SLC10A7: variants seen among roughly 807,000 people sequenced by gnomAD.
SLC10A7 encodes sodium/bile acid cotransporter 7.
SLC10A7 carries 29 observed loss-of-function variants against 43.2 expected under a neutral mutation model. That is an observed-to-expected ratio of 0.67 (90% CI 0.50 to 0.92). The LOEUF (loss-of-function observed/expected upper bound fraction) is 0.92, where lower values mean the gene tolerates loss of function less well. Among genes scored for constraint, SLC10A7 ranks in the 40% least tolerant of loss-of-function variants. SLC10A7 has a pLI of 0.00. For synonymous variants in SLC10A7, 152 were observed against 144.8 expected, an observed-to-expected ratio of 1.05 and a Z score of -0.35; for missense variants, 295 against 403.2, an observed-to-expected ratio of 0.73 and a Z score of 2.30.
intron 4 of SLC10A7, among the ~76,000 whole-genome samples, chr4:146,463,638 G>A (rs1732736441): frequency 6.6e-6 from 1 of 151,890 alleles, no homozygotes; most frequent in African/African-American, 2.4e-5. Flanking sequence ...CTACTTGGGA[G>A]GCTGAGGCAG....
chr4:146,416,266 C>T (rs1300339049), intron 5 of SLC10A7, among the ~76,000 whole-genome samples: 1 of 152,056 alleles, frequency 6.6e-6, no homozygotes, highest in Non-Finnish European at 1.5e-5. Context: ...AGAGCCATGC[C>T]TAGTATGCTT....
chr4:146,409,588 T>C (rs571486035), intron 5 of SLC10A7, among the ~76,000 whole-genome samples: 2 of 152,280 alleles, frequency 1.3e-5, no homozygotes, highest in East Asian at 1.9e-4. Context: ...CAGAACTGTA[T>C]ACTAAAAAAG....
chr4:146,509,973 G>A lies in SLC10A7; in HGVS notation c.260C>T (p.Thr87Ile), dbSNP rs755106015. ...QIFTLAFFPA[T>I]IWLFLQLLSI... ...TAAAAGCTGAAGAAAAAGCCATATT[G>A]TTGCTGGGAAGAATGCAAGAGTAAA... The change falls in exon 3 of 12, where the codon ACA becomes ATA. Residue 87 changes from threonine (T) to isoleucine (I), a missense_variant. By Grantham distance (89) the Thr-to-Ile change is moderately conservative. Transcript: ENST00000335472. 1.2e-6 allele frequency: 2 copies of A among 1,613,758 alleles called. No homozygotes were observed. Among genetic ancestry groups the A allele is most frequent in the Non-Finnish European group, 8.5e-7 (1 of 1,179,826 alleles).
intron 4 of SLC10A7, among the ~76,000 whole-genome samples, chr4:146,499,898 T>C (rs1736241694): frequency 6.6e-6 from 1 of 152,204 alleles, no homozygotes; most frequent in Admixed American, 6.5e-5. Context: ...GCTACGTCAA[T>C]GTCAAGGATA....
chr4:146,442,829 G>T lies in SLC10A7; in HGVS notation c.397-8C>A. On this transcript the variant is annotated splice_region_variant and splice_polypyrimidine_tract_variant and intron_variant, in intron 4 of 11. Coordinates refer to ENST00000335472, the MANE Select transcript of SLC10A7 (RefSeq NM_001029998.6). ...ATTAAATATTGCAGCTGCCTATGAA[G>T]AAAATAAATAGGGGAAAAAAACTCA... is the stretch of plus-strand genomic sequence containing the variant. The T allele has an allele frequency of 6.4e-7, 1 of 1,558,656 alleles. No homozygotes were observed. The highest frequency in any genetic ancestry group is 8.7e-7 in the Non-Finnish European group (1 of 1,151,516).
chr4:146,438,833 G>T (rs573160745), intron 5 of SLC10A7, among the ~76,000 whole-genome samples: 1 of 152,084 alleles, frequency 6.6e-6, no homozygotes, highest in Admixed American at 6.5e-5. Context: ...ATTTCAATTA[G>T]AATTTTCCCA....
At chr4:146,264,344 T>C (rs145847783) in intron 10 of SLC10A7, among the ~76,000 whole-genome samples, 1 of 152,362 alleles carries the variant, frequency 6.6e-6, no homozygotes, top group African/African-American at 2.4e-5. Flanking sequence ...TTAGATTAAA[T>C]ATGGACTTTT....
chr4:146,405,150 G>A (rs1167264311), intron 5 of SLC10A7, among the ~76,000 whole-genome samples: 1 of 152,038 alleles, frequency 6.6e-6, no homozygotes, highest in African/African-American at 2.4e-5. Context: ...TCAGTTTTTT[G>A]CCTCTGTTTA....
At chr4:146,466,765 C>A (rs1242547530) in intron 4 of SLC10A7, among the ~76,000 whole-genome samples, 2 of 152,058 alleles carry the variant, frequency 1.3e-5, no homozygotes, top group Admixed American at 6.6e-5. Context: ...AGATAAGGCT[C>A]AGAGTACTTA....
chr4:146,331,575 G>C (rs1158570748), intron 5 of SLC10A7, among the ~76,000 whole-genome samples: 1 of 152,114 alleles, frequency 6.6e-6, no homozygotes, highest in South Asian at 2.1e-4. Flanking sequence ...TTACCATCCT[G>C]ATGGTTTCCT....
chr4:146,440,823 C>T (rs1299962613), intron 5 of SLC10A7, among the ~76,000 whole-genome samples: 1 of 152,152 alleles, frequency 6.6e-6, no homozygotes. Context: ...TAAAACAACG[C>T]TTCTGCCTGT....
At chr4:146,388,469 C>G (rs1738165863) in intron 5 of SLC10A7, among the ~76,000 whole-genome samples, 1 of 152,014 alleles carries the variant, frequency 6.6e-6, no homozygotes, top group South Asian at 2.1e-4. Context: ...TATAAAAATC[C>G]TAGAAGAGGC....
chr4:146,333,550 G>A (rs1049209870), intron 5 of SLC10A7, among the ~76,000 whole-genome samples: 2 of 152,132 alleles, frequency 1.3e-5, no homozygotes, highest in Admixed American at 1.3e-4. Context: ...AACAGAAGAA[G>A]GGAAGGGAGA....
intron 5 of SLC10A7, among the ~76,000 whole-genome samples, chr4:146,404,678 C>G (rs2149821715): frequency 6.6e-6 from 1 of 152,064 alleles, no homozygotes; most frequent in Non-Finnish European, 1.5e-5. Flanking sequence ...CTATGTTACT[C>G]AGGCTGGTCT....
chr4:146,472,816 T>C (rs1733690695), intron 4 of SLC10A7, among the ~76,000 whole-genome samples: 1 of 152,254 alleles, frequency 6.6e-6, no homozygotes, highest in South Asian at 2.1e-4. Flanking sequence ...ATTTATGATT[T>C]GAATCTACAT....
chr4:146,325,318 C>G (rs1302408951), intron 6 of SLC10A7, among the ~76,000 whole-genome samples: 1 of 152,170 alleles, frequency 6.6e-6, no homozygotes, highest in African/African-American at 2.4e-5. Context: ...CTATTATAAT[C>G]TTTCATCTAA....
chr4:146,471,474 C>A (rs1733567650), intron 4 of SLC10A7, among the ~76,000 whole-genome samples: 1 of 152,114 alleles, frequency 6.6e-6, no homozygotes, highest in African/African-American at 2.4e-5. Context: ...CAATGTCTAT[C>A]TGAATATTTT....
intron 4 of SLC10A7, among the ~76,000 whole-genome samples, chr4:146,446,941 C>T (rs1279513191): frequency 2.0e-5 from 3 of 152,188 alleles, no homozygotes; most frequent in East Asian, 1.9e-4. Context: ...TCTTCATCTC[C>T]TACTGAGTTA....
At chr4:146,268,477 G>A (rs1728698612) in intron 10 of SLC10A7, among the ~76,000 whole-genome samples, 1 of 152,148 alleles carries the variant, frequency 6.6e-6, no homozygotes, top group African/African-American at 2.4e-5. Context: ...TTTTCCAGCA[G>A]TCACACCTTA....
Sources: allele counts gnomAD v4.1 joint callset (sites outside exome capture counted in the v4.1 genomes callset), GRCh38; gene constraint gnomAD v4.1.1; transcripts MANE v1.5; gene names NCBI Gene and HGNC (gene_info 2026-07-23, HGNC 2026-07-21).